The following CLNK variants were observed in gnomAD, a reference collection of about 807,000 sequenced individuals.
The protein encoded by CLNK is cytokine dependent hematopoietic cell linker.
In CLNK, 74 loss-of-function variants were observed where a neutral mutation model predicts 68.6. That is an observed-to-expected ratio of 1.08 (90% CI 0.89 to 1.31). CLNK has a LOEUF of 1.31. CLNK is among the 50% of genes most tolerant of loss of function. The pLI, the probability that CLNK is intolerant of heterozygous loss-of-function variation, is 0.00. For synonymous variants in CLNK, 198 were observed against 172.2 expected (o/e 1.15, Z -1.17); for missense variants, 553 against 515.3 (o/e 1.07, Z -0.71).
At chr4:10,630,470 A>G (rs1722842366) in intron 2 of CLNK, among the ~76,000 whole-genome samples, 1 of 151,972 alleles carries the variant, frequency 6.6e-6, no homozygotes. Context: ...CTTTCTGCTC[A>G]CTCTACACCA....
Position 10,565,991 on chromosome 4 carries a change from C to T in CLNK, c.292+18G>A, listed in dbSNP as rs767054047. On this transcript the variant is annotated intron_variant, in intron 6 of 18. Transcript: ENST00000226951. ...TGTACATGCATCTTCTTATTTCAGGCAGACCCCCAAACGTTACCTGCATAT... is the reference window on the plus strand; with the variant it reads ...TGTACATGCATCTTCTTATTTCAGGTAGACCCCCAAACGTTACCTGCATAT... The T allele has an allele frequency of 6.2e-7, 1 of 1,610,786 alleles. No homozygotes were observed. The highest frequency in any genetic ancestry group is 1.7e-5 in the Admixed American group (1 of 59,368).
chr4:10,637,997 G>A (rs1723161452), intron 2 of CLNK, among the ~76,000 whole-genome samples: 1 of 152,134 alleles, frequency 6.6e-6, no homozygotes, highest in South Asian at 2.1e-4. Flanking sequence ...AAGCTGGAGT[G>A]AGCACAGGGT....
chr4:10,654,560 T>A (rs1174082413), intron 2 of CLNK, among the ~76,000 whole-genome samples: 1 of 150,320 alleles, frequency 6.7e-6, no homozygotes, highest in African/African-American at 2.4e-5. Context: ...GCCTAACCAG[T>A]GTAGTCAGGC....
At chr4:10,714,082 T>G in the CLNK span, among the ~76,000 whole-genome samples, 1 of 151,684 alleles carries the variant, frequency 6.6e-6, no homozygotes, top group Admixed American at 6.6e-5. Context: ...TGGGGAAGAG[T>G]GGTGGAAGAA....
chr4:10,644,946 G>C (rs1468344649), intron 2 of CLNK, among the ~76,000 whole-genome samples: 3 of 152,152 alleles, frequency 2.0e-5, no homozygotes, highest in Non-Finnish European at 2.9e-5. Flanking sequence ...GCCAATCTTA[G>C]CTAGATCTCA....
intron 1 of CLNK, among the ~76,000 whole-genome samples, chr4:10,680,895 G>C (rs1725071202): frequency 6.6e-6 from 1 of 152,134 alleles, no homozygotes; most frequent in African/African-American, 2.4e-5. Context: ...AGTTTGGGAT[G>C]GGGACTGTGT....
intron 6 of CLNK, 116 bp from the exon 7 acceptor site, chr4:10,564,893 A>G (rs1248885361): frequency 1.4e-6 from 1 of 691,156 alleles, no homozygotes; most frequent in Admixed American, 2.1e-5. Context: ...AGTAAGAGCA[A>G]GCAATTCTGC....
At chr4:10,536,674 A>G (rs1718772565) in intron 11 of CLNK, among the ~76,000 whole-genome samples, 1 of 152,254 alleles carries the variant, frequency 6.6e-6, no homozygotes, top group Admixed American at 6.5e-5. Flanking sequence ...CTTAGGAAAC[A>G]TACTTTACAG....
chr4:10,697,648 T>C, the CLNK span: 1 of 152,208 alleles, frequency 6.6e-6, no homozygotes, highest in African/African-American at 2.4e-5. Context: ...TAGACTCTTC[T>C]TGTATTTAGG....
At chr4:10,597,357 A>G (rs181865821) in intron 3 of CLNK, among the ~76,000 whole-genome samples, 8 of 152,292 alleles carry the variant, frequency 5.3e-5, no homozygotes, top group Non-Finnish European at 1.2e-4. Flanking sequence ...TGGGCAGTGT[A>G]GAGCTGGATT....
intron 2 of CLNK, among the ~76,000 whole-genome samples, chr4:10,600,871 G>C (rs929214753): frequency 3.3e-5 from 5 of 152,288 alleles, no homozygotes; most frequent in Admixed American, 3.3e-4. Context: ...AGCCCATGTA[G>C]CATTTGCCTA....
chr4:10,556,413 T>C (rs1214694684), intron 8 of CLNK, among the ~76,000 whole-genome samples: 1 of 152,230 alleles, frequency 6.6e-6, no homozygotes, highest in African/African-American at 2.4e-5. Flanking sequence ...CAAGTTTTTA[T>C]TAACTAATAT....
the CLNK span, among the ~76,000 whole-genome samples, chr4:10,699,513 T>TATATA: frequency 1.4e-3 from 86 of 62,042 alleles, 2 homozygotes; most frequent in African/African-American, 6.2e-3. Context: ...TATATATATA[T>TATATA]TTTTTTTTTT....
the CLNK span, among the ~76,000 whole-genome samples, chr4:10,723,919 A>AGAGAGAGAGACAGAGAGAG: frequency 2.0e-5 from 3 of 148,004 alleles, no homozygotes; most frequent in African/African-American, 2.5e-5. Flanking sequence ...AGAGAGAGAG[A>AGAGAGAGAGACAGAGAGAG]AGGCAGGGCA....
In CLNK at chr4:10,537,702, C is replaced by CTTTCTTTCTTTCTTTCTTTCTTTCTTT. The variant is rs1288379203; in HGVS notation, c.602+2791_602+2792insAAAGAAAGAAAGAAAGAAAGAAAGAAA. Among the ~76,000 whole-genome samples, 116 of 23,066 alleles carry CTTTCTTTCTTTCTTTCTTTCTTTCTTT rather than the reference C, an allele frequency of 5.0e-3. 4 individuals carry two copies. Among genetic ancestry groups the CTTTCTTTCTTTCTTTCTTTCTTTCTTT allele is most frequent in the South Asian group, 7.0e-3 (4 of 572 alleles). 15.1% of individuals were successfully genotyped at this position (23,066 alleles called of 152,430 possible). ...TTCTTCCTTCCTTCCTTCCTTCCTTCCTTCCTTTCTTTCTTTCTTTCTTTC... is the reference window on the plus strand; with the variant it reads ...TTCTTCCTTCCTTCCTTCCTTCCTTCTTTCTTTCTTTCTTTCTTTCTTTCTTTCTTCCTTTCTTTCTTTCTTTCTTTC... On this transcript the variant is annotated intron_variant, in intron 11 of 18. Transcript: ENST00000226951.
At chr4:10,638,845 T>C (rs1723195254) in intron 2 of CLNK, among the ~76,000 whole-genome samples, 1 of 152,216 alleles carries the variant, frequency 6.6e-6, no homozygotes, top group Non-Finnish European at 1.5e-5. Flanking sequence ...TGTAGCTGGC[T>C]GTCTTATTTC....
At chr4:10,528,476 A>T (rs1718410894) in intron 12 of CLNK, among the ~76,000 whole-genome samples, 1 of 152,244 alleles carries the variant, frequency 6.6e-6, no homozygotes, top group Non-Finnish European at 1.5e-5. Context: ...ATGCACAAAG[A>T]TGTTCATTGC....
intron 4 of CLNK, among the ~76,000 whole-genome samples, chr4:10,572,147 T>G (rs2869469): frequency 0.97 from 147,358 of 152,310 alleles, 71,470 homozygotes; most frequent in East Asian, 1. Flanking sequence ...TAATGATGAG[T>G]TTTATTTTCC....
At chr4:10,660,328 C>T (rs368031495) in intron 2 of CLNK, among the ~76,000 whole-genome samples, 5 of 152,172 alleles carry the variant, frequency 3.3e-5, no homozygotes, top group South Asian at 4.1e-4. Context: ...AGCTATAAAA[C>T]GACTGTAATA....
Sources: allele counts gnomAD v4.1 joint callset (sites outside exome capture counted in the v4.1 genomes callset), GRCh38; gene constraint gnomAD v4.1.1; transcripts MANE v1.5; gene names NCBI Gene and HGNC (gene_info 2026-07-23, HGNC 2026-07-21).